Variants in VWC2L observed in about 807,000 individuals in gnomAD.
VWC2L encodes the protein von Willebrand factor C domain-containing protein 2-like.
In VWC2L, 10 loss-of-function variants were observed where a neutral mutation model predicts 21.6. The observed-to-expected ratio is 0.46, with a 90% CI of 0.29 to 0.78. VWC2L has a LOEUF of 0.78. Among genes scored for constraint, VWC2L ranks in the 30% least tolerant of loss-of-function variants. The pLI is 0.10. For missense variants in VWC2L, 209 were observed against 277.1 expected (o/e 0.75, Z 1.74); for synonymous variants, 96 against 94.3 (o/e 1.02, Z -0.10).
intron 3 of VWC2L, among the ~76,000 whole-genome samples, chr2:214,484,464 G>A (rs1057201378): frequency 1.3e-5 from 2 of 152,076 alleles, no homozygotes; most frequent in Non-Finnish European, 1.5e-5. Context: ...AGCCACTAGT[G>A]GTTCCCTCAT....
Position 214,451,312 on chromosome 2 carries a change from G to T in VWC2L, c.520+14554G>T, listed in dbSNP as rs920657115. Among the ~76,000 whole-genome samples, 151 of 150,606 alleles carry T rather than the reference G, an allele frequency of 1.0e-3. 3 individuals are homozygous for T. The highest frequency in any genetic ancestry group is 1.8e-3 in the Non-Finnish European group (121 of 67,498). On this transcript the variant is annotated intron_variant, in intron 3 of 3. Coordinates refer to ENST00000312504, the MANE Select transcript of VWC2L (RefSeq NM_001080500.4). ...GGAAGGATAAGTGGGTCGGTGTGGG[G>T]GGGGGGGGCAGTAAAAGCTGAAATA...
intron 3 of VWC2L, among the ~76,000 whole-genome samples, chr2:214,487,247 C>G (rs1160735009): frequency 2.6e-5 from 4 of 152,148 alleles, no homozygotes; most frequent in African/African-American, 7.2e-5. Context: ...TATGGCCACT[C>G]TAGCAAATTG....
chr2:214,518,650 C>T (rs34130665), intron 3 of VWC2L, among the ~76,000 whole-genome samples: 52,542 of 151,970 alleles, frequency 0.35, 10,969 homozygotes, highest in Non-Finnish European at 0.48. Context: ...TTTCTACTTT[C>T]GAATACCTCA....
intron 1 of VWC2L, 87 bp from the exon 2 acceptor site, chr2:214,414,027 T>C: frequency 1.4e-6 from 1 of 718,366 alleles, no homozygotes; most frequent in Non-Finnish European, 2.1e-6. Flanking sequence ...TTCAAATTGA[T>C]CCCAAACAGT....
intron 3 of VWC2L, among the ~76,000 whole-genome samples, chr2:214,462,600 T>A (rs569752843): frequency 1.3e-5 from 2 of 152,320 alleles, no homozygotes; most frequent in African/African-American, 4.8e-5. Context: ...TTAGTCTGAC[T>A]AGAAATTTAT....
intron 3 of VWC2L, among the ~76,000 whole-genome samples, chr2:214,545,989 A>G (rs1689700661): frequency 1.3e-5 from 2 of 152,186 alleles, no homozygotes; most frequent in African/African-American, 4.8e-5. Context: ...GCATTTCTGT[A>G]TCCAACCTCC....
chr2:214,463,764 C>A (rs771056652), intron 3 of VWC2L, among the ~76,000 whole-genome samples: 1 of 152,110 alleles, frequency 6.6e-6, no homozygotes, highest in Non-Finnish European at 1.5e-5. Flanking sequence ...TCACATTTGA[C>A]CTCCTTGTAA....
Position 214,448,829 on chromosome 2 carries a change from C to T in VWC2L, c.520+12071C>T, listed in dbSNP as rs574840363. Among the ~76,000 whole-genome samples, 368 of 152,268 alleles carry T rather than the reference C, an allele frequency of 2.4e-3. 1 individual carries two copies. The highest frequency in any genetic ancestry group is 4.5e-3 in the Non-Finnish European group (306 of 68,016). On this transcript the variant is annotated intron_variant, in intron 3 of 3. Transcript: ENST00000312504. ...AGTTACATTAATTATCATCATTAGA[C>T]CAGCCATTGAGAAAACATGTGAAAA...
At chr2:214,456,909 T>C (rs945557887) in intron 3 of VWC2L, among the ~76,000 whole-genome samples, 4 of 152,150 alleles carry the variant, frequency 2.6e-5, no homozygotes, top group Non-Finnish European at 5.9e-5. Flanking sequence ...TTTTGGGTTC[T>C]TTATTATGTT....
intron 3 of VWC2L, among the ~76,000 whole-genome samples, chr2:214,575,399 T>C (rs145659054): frequency 0.011 from 1,729 of 152,248 alleles, 12 homozygotes; most frequent in Middle Eastern, 0.024. Context: ...TTTAGAAAAC[T>C]GCATGTACTC....
intron 1 of VWC2L, among the ~76,000 whole-genome samples, chr2:214,413,736 T>C (rs1702312082): frequency 6.6e-6 from 1 of 152,168 alleles, no homozygotes; most frequent in African/African-American, 2.4e-5. Context: ...CACTGACTAG[T>C]CCAGTTTAAA....
chr2:214,548,744 T>A (rs1335889278), intron 3 of VWC2L, among the ~76,000 whole-genome samples: 1 of 152,202 alleles, frequency 6.6e-6, no homozygotes. Context: ...CCAGAGATTC[T>A]TTTTAAGAGC....
chr2:214,426,111 T>G (rs1574558114), intron 2 of VWC2L, among the ~76,000 whole-genome samples: 1 of 142,942 alleles, frequency 7.0e-6, no homozygotes, highest in Non-Finnish European at 1.5e-5. Flanking sequence ...GGTGGAAGTT[T>G]CAGTGAGCCG....
chr2:214,432,410 C>A (rs574480400), intron 2 of VWC2L, among the ~76,000 whole-genome samples: 1 of 152,200 alleles, frequency 6.6e-6, no homozygotes, highest in Non-Finnish European at 1.5e-5. Flanking sequence ...GATGAAGGGG[C>A]TGGAAGGCCT....
intron 3 of VWC2L, among the ~76,000 whole-genome samples, chr2:214,445,878 C>A (rs1702830525): frequency 1.3e-5 from 2 of 152,200 alleles, no homozygotes; most frequent in East Asian, 3.9e-4. Flanking sequence ...AATTTGTACT[C>A]TATCAACTAA....
At position 214,577,243 on chromosome 2, in the gene VWC2L, C is replaced by T. The variant is rs1483946151; in HGVS notation, c.*1423C>T. On this transcript the variant is annotated 3_prime_UTR_variant, in exon 4 of 4. Coordinates refer to ENST00000312504, the MANE Select transcript of VWC2L (RefSeq NM_001080500.4). ...TATCAATGTTCTTTCTTTTTCTGCT[C>T]CCCCAACCTGGGCTTTGCCATAGCT... 6.6e-6 allele frequency: 1 copy of T among 152,164 alleles called. No individual in the cohort carries two copies. Among genetic ancestry groups the T allele is most frequent in the Admixed American group, 6.5e-5 (1 of 15,268 alleles). The allele number at this position is 152,164 out of a possible 1,614,324, so 9.4% of individuals were successfully genotyped here.
chr2:214,533,667 G>T (rs536886266), intron 3 of VWC2L, among the ~76,000 whole-genome samples: 5 of 152,096 alleles, frequency 3.3e-5, no homozygotes, highest in Non-Finnish European at 7.4e-5. Context: ...TTCAGCCCAA[G>T]AGTAAAACCA....
chr2:214,543,533 A>G (rs1295278551), intron 3 of VWC2L, among the ~76,000 whole-genome samples: 1 of 152,168 alleles, frequency 6.6e-6, no homozygotes, highest in Non-Finnish European at 1.5e-5. Context: ...ATAGTCAATG[A>G]AAAGTATTGT....
chr2:214,416,991 C>T (rs934744605), intron 2 of VWC2L, among the ~76,000 whole-genome samples: 1 of 152,114 alleles, frequency 6.6e-6, no homozygotes, highest in African/African-American at 2.4e-5. Flanking sequence ...CTTTAAAAGA[C>T]TTTCAAATGA....
Sources: gnomAD v4.1 joint callset for allele counts (sites outside exome capture counted in the v4.1 genomes callset) on GRCh38, gnomAD v4.1.1 for gene constraint, MANE v1.5 for transcripts, NCBI Gene and HGNC (gene_info 2026-07-23, HGNC 2026-07-21) for gene names.